LDLRAD3: variants seen among roughly 807,000 people sequenced by gnomAD.
LDLRAD3 encodes the protein low-density lipoprotein receptor class A domain-containing protein 3.
Under a neutral mutation model 29.4 loss-of-function variants are expected in LDLRAD3, and 20 were observed. The ratio of observed to expected loss-of-function variants is 0.68; its 90% CI spans 0.48 to 0.99. LDLRAD3 has a LOEUF of 0.99. LDLRAD3 is among the 50% of genes least tolerant of loss of function. LDLRAD3 has a pLI of 0.00. For synonymous variants in LDLRAD3, 157 were observed against 192.7 expected (o/e 0.81, Z 1.53); for missense variants, 420 against 454.3 (o/e 0.92, Z 0.69).
In LDLRAD3 at chr11:36,039,206, T is replaced by C. The variant is rs550075451; in HGVS notation, c.193+2957T>C. ...GGATGGTCTGGATCTCCTGACCTCG[T>C]GACCCGCCCGCCTCGGCCTCCCAAA... is the stretch of plus-strand genomic sequence containing the variant. On this transcript the variant is annotated intron_variant, in intron 2 of 5. Coordinates refer to ENST00000315571, the MANE Select transcript of LDLRAD3 (RefSeq NM_174902.4). 3.3e-5 allele frequency among the ~76,000 whole-genome samples: 5 copies of C among 152,116 alleles called. No homozygotes were observed. The South Asian group carries it at 6.2e-4, about 19-fold the overall frequency.
intron 4 of LDLRAD3, among the ~76,000 whole-genome samples, chr11:36,182,369 C>T (rs944656040): frequency 3.9e-5 from 6 of 152,160 alleles, no homozygotes; most frequent in Admixed American, 3.3e-4. Context: ...CCACTCTCCC[C>T]TCCACCTGCC....
chr11:36,191,566 CTCTCTCTCTCTATA>C (rs1441236975), intron 4 of LDLRAD3, among the ~76,000 whole-genome samples: 2 of 77,802 alleles, frequency 2.6e-5, no homozygotes, highest in Non-Finnish European at 4.9e-5. Flanking sequence ...CTCTCTCTCT[CTCTCTCTCTCTATA>C]TATATATATA....
chr11:36,205,106 C>T (rs1430651360), intron 4 of LDLRAD3, among the ~76,000 whole-genome samples: 1 of 152,186 alleles, frequency 6.6e-6, no homozygotes, highest in African/African-American at 2.4e-5. Flanking sequence ...GGGACTCCAG[C>T]GCCATGTTCT....
chr11:36,137,812 C>T (rs1187606304), intron 4 of LDLRAD3, among the ~76,000 whole-genome samples: 3 of 152,242 alleles, frequency 2.0e-5, no homozygotes, highest in Admixed American at 2.0e-4. Context: ...CTCTTCCCTG[C>T]TGCAGAGATG....
intron 2 of LDLRAD3, among the ~76,000 whole-genome samples, chr11:36,066,988 G>A (rs1443628128): frequency 6.6e-6 from 1 of 152,150 alleles, no homozygotes. Context: ...CCATGTCCCA[G>A]GTGTCCTAAC....
intron 4 of LDLRAD3, among the ~76,000 whole-genome samples, chr11:36,179,486 T>C (rs1590334978): frequency 1.3e-5 from 2 of 151,750 alleles, no homozygotes; most frequent in South Asian, 4.2e-4. Context: ...AAAAAAAAGG[T>C]TAGAGCCCAG....
chr11:36,141,925 G>A (rs551266207), intron 4 of LDLRAD3, among the ~76,000 whole-genome samples: 28 of 152,322 alleles, frequency 1.8e-4, no homozygotes, highest in African/African-American at 3.6e-4. Flanking sequence ...CTGCAATATC[G>A]ATCTGCTCTG....
At chr11:36,020,079 G>A (rs934992750) in intron 1 of LDLRAD3, among the ~76,000 whole-genome samples, 3 of 152,142 alleles carry the variant, frequency 2.0e-5, no homozygotes, top group Non-Finnish European at 4.4e-5. Flanking sequence ...AAGTCCTTGT[G>A]CCCCGGAGTT....
intron 4 of LDLRAD3, among the ~76,000 whole-genome samples, chr11:36,125,109 T>C (rs183798345): frequency 5.3e-5 from 8 of 152,302 alleles, no homozygotes; most frequent in Non-Finnish European, 1.2e-4. Context: ...GTCCAGAGTG[T>C]TTGTTCCAGG....
Position 35,944,210 on chromosome 11 carries a change from C to CG in LDLRAD3, c.46+66_46+67insG. The CG allele has an allele frequency of 1.1e-6, 1 of 893,612 alleles. No homozygotes were observed. The highest frequency in any genetic ancestry group is 1.3e-6 in the Non-Finnish European group (1 of 747,210). 55.4% of individuals were successfully genotyped at this position (893,612 alleles called of 1,614,324 possible). A position where few individuals can be genotyped will look rare whatever the true frequency, so the allele number is the denominator to read the frequency against. On this transcript the variant is annotated intron_variant, in intron 1 of 5. Coordinates refer to ENST00000315571, the MANE Select transcript of LDLRAD3 (RefSeq NM_174902.4). The surrounding 1 kb of genome is among the most constrained non-coding windows in gnomAD (Gnocchi z 4.9). Reference sequence around the variant, plus strand: ...GGGCGCGGGGCGCGGGGCGCAGCGGCCGGGTGCGATCGCGTCCTCTCCCGG... The same window carrying CG: ...GGGCGCGGGGCGCGGGGCGCAGCGGCGCGGGTGCGATCGCGTCCTCTCCCGG...
chr11:36,028,460 T>C (rs1032619324), intron 1 of LDLRAD3, among the ~76,000 whole-genome samples: 2 of 152,176 alleles, frequency 1.3e-5, no homozygotes, highest in African/African-American at 2.4e-5. Context: ...CATAAGCCTG[T>C]AGTTGTCTAG....
At chr11:36,156,381 TG>T (rs1399897318) in intron 4 of LDLRAD3, among the ~76,000 whole-genome samples, 1 of 152,198 alleles carries the variant, frequency 6.6e-6, no homozygotes. Flanking sequence ...AGCAGGACCC[TG>T]GGTAGGGCCA....
At chr11:35,960,303 G>C (rs556860276) in intron 1 of LDLRAD3, among the ~76,000 whole-genome samples, 93 of 152,242 alleles carry the variant, frequency 6.1e-4, no homozygotes, top group Admixed American at 5.9e-3. Flanking sequence ...CTCTTAAAAG[G>C]ATATTTAGAT....
intron 4 of LDLRAD3, among the ~76,000 whole-genome samples, chr11:36,159,790 G>A (rs17812656): frequency 0.11 from 16,753 of 151,588 alleles, 1,090 homozygotes; most frequent in Middle Eastern, 0.18. Flanking sequence ...GAACTCAGGG[G>A]ACAAGAATCA....
At chr11:36,103,750 G>T (rs909752564) in intron 4 of LDLRAD3, among the ~76,000 whole-genome samples, 2 of 152,164 alleles carry the variant, frequency 1.3e-5, no homozygotes, top group East Asian at 3.9e-4. Flanking sequence ...TCTGTAGGCC[G>T]TTTGAAGTTT....
At chr11:36,133,547 C>CTTTT (rs67935336) in intron 4 of LDLRAD3, among the ~76,000 whole-genome samples, 3 of 119,902 alleles carry the variant, frequency 2.5e-5, no homozygotes, top group African/African-American at 9.6e-5. Context: ...TTTTTCTTTT[C>CTTTT]TTTTTTTTTT....
intron 2 of LDLRAD3, among the ~76,000 whole-genome samples, chr11:36,069,971 G>T (rs1018598665): frequency 2.0e-5 from 3 of 152,094 alleles, no homozygotes; most frequent in East Asian, 1.9e-4. Flanking sequence ...AGCTGAAACC[G>T]ACCTTCCCCT....
chr11:36,124,478 C>G (rs1159948558), intron 4 of LDLRAD3, among the ~76,000 whole-genome samples: 1 of 152,148 alleles, frequency 6.6e-6, no homozygotes, highest in Non-Finnish European at 1.5e-5. Context: ...ACAAAAGTCA[C>G]ACAGCTTGGG....
intron 4 of LDLRAD3, among the ~76,000 whole-genome samples, chr11:36,119,485 AG>A: frequency 6.7e-6 from 1 of 149,624 alleles, no homozygotes; most frequent in Middle Eastern, 3.5e-3. Flanking sequence ...CATCCTCACC[AG>A]CACTTATTAT....
Sources: allele counts gnomAD v4.1 joint callset (sites outside exome capture counted in the v4.1 genomes callset), GRCh38; gene constraint gnomAD v4.1.1; non-coding constraint Gnocchi (gnomAD v3.1); transcripts MANE v1.5; gene names NCBI Gene and HGNC (gene_info 2026-07-23, HGNC 2026-07-21).